PM20D1: variants seen among roughly 807,000 people sequenced by gnomAD.
The protein encoded by PM20D1 is N-fatty-acyl-amino acid synthase/hydrolase PM20D1.
In PM20D1, 53 loss-of-function variants were observed where a neutral mutation model predicts 53.8. The observed-to-expected ratio is 0.98, with a 90% confidence interval of 0.79 to 1.24. The LOEUF (loss-of-function observed/expected upper bound fraction) is 1.24. Among genes scored for constraint, PM20D1 ranks in the 50% most tolerant of loss-of-function variants. The probability of loss-of-function intolerance (pLI) is 0.00; values close to 1 mark genes in which losing one functional copy is unlikely to be tolerated. For missense variants in PM20D1, 564 were observed against 616.8 expected, an observed-to-expected ratio of 0.91 and a Z score of 0.91; for synonymous variants, 239 against 241.3, an observed-to-expected ratio of 0.99 and a Z score of 0.09.
In PM20D1 at chr1:205,830,441, TG is replaced by T; in HGVS notation, c.1286-63del. 4 of 1,251,300 alleles carry T rather than the reference TG, an allele frequency of 3.2e-6. No individual in the cohort carries two copies. The Admixed American group carries it at 6.7e-5, about 21-fold the overall frequency. The allele number at this position is 1,251,300 out of a possible 1,614,324, so 77.5% of individuals were successfully genotyped here. A position where few individuals can be genotyped will look rare whatever the true frequency, so the allele number is the denominator to read the frequency against. On this transcript the variant is annotated intron_variant, in intron 11 of 12. Transcript: ENST00000367136. ...TGAGCAATCAAACCAGCGAAGTGGC[TG>T]GGGTGTGGCCTGGCTGGAAAATCAG...
intron 6 of PM20D1, among the ~76,000 whole-genome samples, chr1:205,843,365 C>G (rs569270420): frequency 1.4e-4 from 21 of 152,298 alleles, no homozygotes; most frequent in African/African-American, 5.1e-4. Flanking sequence ...GGCTCTGTCT[C>G]TCCTGTGGCT....
intron 10 of PM20D1, among the ~76,000 whole-genome samples, 168 bp from the exon 11 acceptor site, chr1:205,832,934 G>A (rs79364563): frequency 6.6e-5 from 10 of 152,252 alleles, no homozygotes; most frequent in African/African-American, 2.4e-4. Flanking sequence ...CTGGCTATAG[G>A]TGATGTAAGA....
chr1:205,846,083 C>CAA (rs55675463), intron 2 of PM20D1, among the ~76,000 whole-genome samples: 4 of 119,650 alleles, frequency 3.3e-5, no homozygotes, highest in Admixed American at 8.6e-5. Flanking sequence ...AACTCCATCT[C>CAA]AAAAAAAAAA....
intron 10 of PM20D1, among the ~76,000 whole-genome samples, chr1:205,837,754 A>C (rs1354928638): frequency 6.6e-6 from 1 of 152,120 alleles, no homozygotes; most frequent in Non-Finnish European, 1.5e-5. Context: ...TCACTGTGGC[A>C]AGGGAGTAGA....
At chr1:205,831,569 T>C (rs1317208330) in intron 11 of PM20D1, among the ~76,000 whole-genome samples, 2 of 142,600 alleles carry the variant, frequency 1.4e-5, no homozygotes, top group Admixed American at 1.4e-4. Flanking sequence ...CTCTCTCCTT[T>C]TTTTTTTTTT....
chr1:205,841,593 G>A (rs1333538843), intron 9 of PM20D1, among the ~76,000 whole-genome samples: 1 of 152,128 alleles, frequency 6.6e-6, no homozygotes, highest in Non-Finnish European at 1.5e-5. Context: ...TTGTACTCTA[G>A]GTGAATGGTG....
rs565503129 is a variant in PM20D1, at chr1:205,837,377, C to G, written c.1116+2875G>C. Among the ~76,000 whole-genome samples, 3 of 152,240 alleles carry G rather than the reference C, an allele frequency of 2.0e-5. No individual in the cohort carries two copies. The South Asian group carries it at 6.2e-4, about 31-fold the overall frequency. On this transcript the variant is annotated intron_variant, in intron 10 of 12. Coordinates refer to ENST00000367136, the MANE Select transcript of PM20D1 (RefSeq NM_152491.5). The stretch of plus-strand genomic sequence containing the variant: ...CCCTCAAACATCTCCCACTGGCCTT[C>G]TCTCTACTCCTTCAGGCCCATTCAG...
chr1:205,840,120 GT>G, intron 10 of PM20D1, 131 bp downstream of exon 10: 1 of 674,182 alleles, frequency 1.5e-6, no homozygotes. Context: ...CGGTGCATAG[GT>G]TGTCTTTGAA....
intron 6 of PM20D1, 79 bp downstream of exon 6, chr1:205,843,588 C>A: frequency 2.6e-6 from 4 of 1,539,514 alleles, no homozygotes; most frequent in South Asian, 1.3e-5. Context: ...GGAAGCTTAG[C>A]CTCCTCAAAT....
intron 1 of PM20D1, 43 bp downstream of exon 1, chr1:205,849,861 A>G (rs1247603624): frequency 1.3e-6 from 2 of 1,560,172 alleles, no homozygotes; most frequent in Non-Finnish European, 1.7e-6. Context: ...GGAGGGAGGG[A>G]CCCACATATG....
intron 1 of PM20D1, among the ~76,000 whole-genome samples, chr1:205,849,534 C>T (rs61822642): frequency 7.9e-5 from 12 of 152,100 alleles, no homozygotes; most frequent in Non-Finnish European, 1.6e-4. Flanking sequence ...TCTTATTTTA[C>T]GACACCGCAG....
Position 205,845,536 on chromosome 1 carries a change from G to A in PM20D1, c.278C>T (p.Thr93Ile), listed in dbSNP as rs914068587. The change falls in exon 3 of 13, where the codon ACC (threonine) becomes ATC (isoleucine). Residue 93 changes from threonine to isoleucine, a missense_variant. By Grantham distance (89) the Thr-to-Ile change is moderately conservative. Coordinates refer to ENST00000367136, the MANE Select transcript of PM20D1 (RefSeq NM_152491.5). ...IHKVFPTVVSTSFIQHEVVEE... is the reference protein window; with the variant it reads ...IHKVFPTVVSISFIQHEVVEE... ...CACGACTTCATGCTGGATAAAGCTGGTGCTGACCACTGTAGGAAAGACTAG... is the reference window on the plus strand; with the variant it reads ...CACGACTTCATGCTGGATAAAGCTGATGCTGACCACTGTAGGAAAGACTAG... The A allele has an allele frequency of 6.2e-7, 1 of 1,614,200 alleles. No individual in the cohort carries two copies. Among genetic ancestry groups the A allele is most frequent in the Non-Finnish European group, 8.5e-7 (1 of 1,180,028 alleles).
chr1:205,847,702 A>G (rs1558095695), intron 2 of PM20D1, among the ~76,000 whole-genome samples, 183 bp downstream of exon 2: 1 of 151,944 alleles, frequency 6.6e-6, no homozygotes, highest in Non-Finnish European at 1.5e-5. Context: ...TGAACTCTCA[A>G]TCTTTGCCCT....
At chr1:205,843,450 G>A (rs1354678310) in intron 6 of PM20D1, among the ~76,000 whole-genome samples, 2 of 152,166 alleles carry the variant, frequency 1.3e-5, no homozygotes, top group Non-Finnish European at 2.9e-5. Flanking sequence ...GAGCCATGCT[G>A]AGATAACTCT....
At position 205,840,235 on chromosome 1, in the gene PM20D1, G is replaced by C. The variant is rs1201187225; in HGVS notation, c.1116+17C>G. On this transcript the variant is annotated intron_variant, in intron 10 of 12. Coordinates refer to ENST00000367136, the MANE Select transcript of PM20D1 (RefSeq NM_152491.5). ...CTGATGCTGCATGAGTTGTTGTCTGGAACATATGGTACATACCTCTTGGAC... is the reference window on the plus strand; with the variant it reads ...CTGATGCTGCATGAGTTGTTGTCTGCAACATATGGTACATACCTCTTGGAC... The C allele has an allele frequency of 6.2e-7, 1 of 1,608,062 alleles. No homozygotes were observed.
intron 7 of PM20D1, 150 bp downstream of exon 7, chr1:205,842,526 C>T: frequency 1.3e-6 from 1 of 769,816 alleles, no homozygotes; most frequent in South Asian, 1.7e-5. Context: ...AAGCCAGATC[C>T]CTGTGTCTTG....
At position 205,828,670 on chromosome 1, in the gene PM20D1, G is replaced by T. The variant is rs372031384; in HGVS notation, c.1459C>A (p.Gln487Lys). Residue 487 changes from glutamine (Q) to lysine (K), a missense_variant, in exon 13 of 13, where the codon CAG (glutamine) becomes AAG (lysine). Coordinates refer to ENST00000367136, the MANE Select transcript of PM20D1 (RefSeq NM_152491.5). Reference protein sequence around the residue: ...TQVKFIFELIQNADTDQEPVS... With the variant: ...TQVKFIFELIKNADTDQEPVS... The stretch of plus-strand genomic sequence containing the variant: ...GGCTCCTGGTCTGTGTCAGCATTCT[G>T]AATCAACTCAAAGATGAATTTCACT... 57 of 1,614,070 alleles carry T rather than the reference G, an allele frequency of 3.5e-5. No homozygotes were observed. The highest frequency in any genetic ancestry group is 4.7e-5 in the Non-Finnish European group (56 of 1,180,030).
chr1:205,840,419 T>G, intron 9 of PM20D1, 96 bp from the exon 10 acceptor site: 1 of 1,134,134 alleles, frequency 8.8e-7, no homozygotes, highest in Non-Finnish European at 1.3e-6. Flanking sequence ...TCAGGCAGAG[T>G]TGGCTGATTT....
chr1:205,831,809 G>A (rs1013966159), intron 11 of PM20D1, among the ~76,000 whole-genome samples: 2 of 151,960 alleles, frequency 1.3e-5, no homozygotes, highest in Non-Finnish European at 1.5e-5. Context: ...TGATCCACCC[G>A]CCTCTGCCTC....
Sources: allele counts gnomAD v4.1 joint callset (sites outside exome capture counted in the v4.1 genomes callset), GRCh38; gene constraint gnomAD v4.1.1; transcripts MANE v1.5; gene names NCBI Gene and HGNC (gene_info 2026-07-23, HGNC 2026-07-21).